SMC4: variants seen among roughly 807,000 people sequenced by gnomAD.
SMC4 encodes the protein structural maintenance of chromosomes 4.
Under a neutral mutation model 145.6 loss-of-function variants are expected in SMC4, and 87 were observed. The observed-to-expected ratio is 0.60, with a 90% CI of 0.50 to 0.71. The LOEUF (loss-of-function observed/expected upper bound fraction) is 0.71. SMC4 is among the 30% of genes least tolerant of loss of function. The pLI is 0.00. For synonymous variants in SMC4, 558 were observed against 500.7 expected (o/e 1.11, Z -1.53); for missense variants, 1,447 against 1,537.1 (o/e 0.94, Z 0.98).
intron 13 of SMC4, among the ~76,000 whole-genome samples, chr3:160,421,528 G>A (rs1046005945): frequency 2.0e-5 from 3 of 151,916 alleles, no homozygotes; most frequent in Admixed American, 6.6e-5. Flanking sequence ...GGCGGATCAC[G>A]AGGTCAGGAG....
At position 160,434,345 on chromosome 3, in the gene SMC4, CTT is replaced by C. The variant is rs1718751873; in HGVS notation, c.*537_*538del. On this transcript the variant is annotated 3_prime_UTR_variant, in exon 24 of 24. Transcript: ENST00000357388. ...GAATTTGATGTTTGACCATTTATGACTTAATTACCAGAGAGCCAGTAAATTAG... is the reference window on the plus strand; with the variant it reads ...GAATTTGATGTTTGACCATTTATGACAATTACCAGAGAGCCAGTAAATTAG... 1 of 152,118 alleles carries C rather than the reference CTT, an allele frequency of 6.6e-6. No homozygotes were observed. The highest frequency in any genetic ancestry group is 6.6e-5 in the Admixed American group (1 of 15,246). The allele number at this position is 152,118 out of a possible 1,614,324, so 9.4% of individuals were successfully genotyped here.
At chr3:160,418,446 C>T (rs1019981060) in intron 11 of SMC4, among the ~76,000 whole-genome samples, 3 of 152,038 alleles carry the variant, frequency 2.0e-5, no homozygotes, top group South Asian at 2.1e-4. Flanking sequence ...TAAGGAATTT[C>T]GTAAACTTTA....
chr3:160,412,363 C>G lies in SMC4; in HGVS notation c.890C>G (p.Ala297Gly), dbSNP rs926678647. 4.4e-6 allele frequency: 7 copies of G among 1,600,764 alleles called. No homozygotes were observed. The highest frequency in any genetic ancestry group is 6.0e-6 in the Non-Finnish European group (7 of 1,168,760). ...RVKMVEKEKDALEGEKNIAIE... is the reference protein window; with the variant it reads ...RVKMVEKEKDGLEGEKNIAIE... ...AAGATGGTGGAAAAGGAAAAGGATG[C>G]CTTAGAAGGAGAGAAAAACATAGCT... Residue 297 changes from alanine (A) to glycine (G), a missense_variant, in exon 7 of 24, where the codon GCC becomes GGC. By Grantham distance (60) the Ala-to-Gly change is moderately conservative. Coordinates refer to ENST00000357388, the MANE Select transcript of SMC4 (RefSeq NM_001002800.3).
intron 7 of SMC4, chr3:160,412,669 C>A: frequency 9.3e-6 from 9 of 964,020 alleles, no homozygotes; most frequent in Non-Finnish European, 9.2e-6. Context: ...CAAGACCAGC[C>A]TGGGCAACAT....
chr3:160,430,813 A>G (rs1287449083), intron 19 of SMC4, 70 bp downstream of exon 19: 2 of 1,512,254 alleles, frequency 1.3e-6, no homozygotes, highest in Non-Finnish European at 1.8e-6. Flanking sequence ...TGGATATATG[A>G]CAGTGCCTAG....
At chr3:160,411,388 T>C (rs1715976980) in intron 5 of SMC4, among the ~76,000 whole-genome samples, 1 of 152,216 alleles carries the variant, frequency 6.6e-6, no homozygotes, top group East Asian at 1.9e-4. Flanking sequence ...ACCCATTACT[T>C]GTTAAGGAAC....
At position 160,433,860 on chromosome 3, in the gene SMC4, T is replaced by G. The variant is rs768707086; in HGVS notation, c.*51T>G. ...TGATTCAGTGTATTACTGATTTTTT[T>G]CTATTTGTAAAGGATTATGAGTTGT... On this transcript the variant is annotated 3_prime_UTR_variant, in exon 24 of 24. Coordinates refer to ENST00000357388, the MANE Select transcript of SMC4 (RefSeq NM_001002800.3). The G allele has an allele frequency of 4.9e-6, 7 of 1,423,866 alleles. No individual in the cohort carries two copies. Among genetic ancestry groups the G allele is most frequent in the Non-Finnish European group, 6.8e-6 (7 of 1,033,652 alleles). The allele number at this position is 1,423,866 out of a possible 1,614,324, so 88.2% of individuals were successfully genotyped here.
chr3:160,432,542 C>T (rs778158479), intron 22 of SMC4, 27 bp downstream of exon 22: 51 of 1,335,198 alleles, frequency 3.8e-5, no homozygotes, highest in Non-Finnish European at 4.6e-5. Flanking sequence ...AGTTTATAAT[C>T]CCACTGTTAC....
At chr3:160,406,330 G>A (rs372331195) in intron 5 of SMC4, among the ~76,000 whole-genome samples, 1 of 152,106 alleles carries the variant, frequency 6.6e-6, no homozygotes, top group Non-Finnish European at 1.5e-5. Flanking sequence ...AAGAAACAGG[G>A]ATTGGACTAC....
chr3:160,422,562 C>G (rs578148160), intron 13 of SMC4, among the ~76,000 whole-genome samples: 1 of 152,246 alleles, frequency 6.6e-6, no homozygotes, highest in Admixed American at 6.5e-5. Flanking sequence ...TGTAGGATTT[C>G]TCTATTCTGA....
chr3:160,423,736 C>T, intron 14 of SMC4, 25 bp from the exon 15 acceptor site: 1 of 1,607,512 alleles, frequency 6.2e-7, no homozygotes, highest in Middle Eastern at 1.7e-4. Context: ...ACATCTGAAG[C>T]TGACTTCTCT....
At chr3:160,428,651 A>T in intron 17 of SMC4, 102 bp from the exon 18 acceptor site, 2 of 1,058,162 alleles carry the variant, frequency 1.9e-6, no homozygotes, top group Non-Finnish European at 2.7e-6. Context: ...AATTTGTTTT[A>T]ATGCATCACG....
At chr3:160,432,063 G>A (rs901670693) in intron 21 of SMC4, among the ~76,000 whole-genome samples, 18 of 152,178 alleles carry the variant, frequency 1.2e-4, no homozygotes, top group East Asian at 1.9e-4. Flanking sequence ...TTAGCCAGGC[G>A]TTGTGGCACG....
intron 4 of SMC4, 72 bp from the exon 5 acceptor site, chr3:160,404,256 G>T: frequency 7.3e-7 from 1 of 1,368,662 alleles, no homozygotes; most frequent in South Asian, 1.3e-5. Flanking sequence ...AGTATGAAAT[G>T]AGTGAATTTT....
intron 21 of SMC4, among the ~76,000 whole-genome samples, 174 bp downstream of exon 21, chr3:160,431,999 G>A (rs551651165): frequency 3.7e-4 from 56 of 152,332 alleles, no homozygotes; most frequent in African/African-American, 1.1e-3. Flanking sequence ...TCAGGAGTTC[G>A]AGACCAGCTG....
chr3:160,408,512 C>T (rs1463926762), intron 5 of SMC4, among the ~76,000 whole-genome samples: 1 of 152,198 alleles, frequency 6.6e-6, no homozygotes, highest in African/African-American at 2.4e-5. Context: ...ACTTTGTCAG[C>T]ATCAGATAAT....
chr3:160,417,696 A>G, intron 10 of SMC4, 27 bp from the exon 11 acceptor site: 2 of 1,534,546 alleles, frequency 1.3e-6, no homozygotes, highest in Non-Finnish European at 9.0e-7. Context: ...ATATCTGTCC[A>G]GATTTAATGA....
rs199515502 is a variant in SMC4, at chr3:160,432,302, G to A, written c.3317G>A (p.Arg1106Gln). The change falls in exon 22 of 24, where the codon CGG becomes CAG. Residue 1106 changes from arginine (R) to glutamine (Q), a missense_variant. Transcript: ENST00000357388. ...YKKKEELYLQRVAELDKITYE... is the reference protein window; with the variant it reads ...YKKKEELYLQQVAELDKITYE... The stretch of plus-strand genomic sequence containing the variant: ...TCACAGGAAGAATTGTATTTGCAAC[G>A]GGTAGCAGAATTGGACAAAATTACT... 10 of 1,606,822 alleles carry A rather than the reference G, an allele frequency of 6.2e-6. No homozygotes were observed. Among genetic ancestry groups the A allele is most frequent in the East Asian group, 4.5e-5 (2 of 44,840 alleles).
chr3:160,431,247 T>C (rs1464619068), intron 20 of SMC4, 42 bp downstream of exon 20: 1 of 1,494,980 alleles, frequency 6.7e-7, no homozygotes, highest in African/African-American at 1.4e-5. Context: ...ACATATTCTT[T>C]ATGAAAAAGG....
Sources: gnomAD v4.1 joint callset for allele counts (sites outside exome capture counted in the v4.1 genomes callset) on GRCh38, gnomAD v4.1.1 for gene constraint, MANE v1.5 for transcripts, NCBI Gene and HGNC (gene_info 2026-07-23, HGNC 2026-07-21) for gene names.